The following RALGPS1 variants were observed in gnomAD, a reference collection of about 807,000 sequenced individuals.
RALGPS1 encodes Ral GEF with PH domain and SH3 binding motif 1.
In RALGPS1, 19 loss-of-function variants were observed where a neutral mutation model predicts 78.8. That is an observed-to-expected ratio of 0.24 (90% CI 0.17 to 0.35). The LOEUF is 0.35. Ranked by LOEUF, RALGPS1 falls within the 10% of genes least tolerant of loss-of-function variation. The pLI is 1.00. For synonymous variants in RALGPS1, 228 were observed against 256.3 expected (o/e 0.89, Z 1.06); for missense variants, 454 against 688.3 (o/e 0.66, Z 3.81).
chr9:127,086,736 T>G lies in RALGPS1; in HGVS notation c.610+17380T>G, dbSNP rs115227452. Among the ~76,000 whole-genome samples the G allele has an allele frequency of 7.9e-3, 1,200 of 152,302 alleles. 22 individuals carry two copies. The highest frequency in any genetic ancestry group is 0.027 in the African/African-American group (1,133 of 41,546). ...CTGAAAAAAGTTGTATCTTTTAGTC[T>G]TTTCCTTTAGGTTTTGGGGTTTCCT... On this transcript the variant is annotated intron_variant, in intron 8 of 18. Coordinates refer to ENST00000259351, the MANE Select transcript of RALGPS1 (RefSeq NM_014636.3).
chr9:127,176,436 C>T (rs1223242658), intron 11 of RALGPS1, among the ~76,000 whole-genome samples: 1 of 152,164 alleles, frequency 6.6e-6, no homozygotes, highest in East Asian at 1.9e-4. Flanking sequence ...GGGCAGGGTT[C>T]CTATCAGAAG....
chr9:126,922,225 A>C lies in RALGPS1; in HGVS notation c.-66+7250A>C, dbSNP rs1017469112. Among the ~76,000 whole-genome samples, 23 of 152,230 alleles carry C rather than the reference A, an allele frequency of 1.5e-4. 3 individuals carry two copies. Among genetic ancestry groups the C allele is most frequent in the Admixed American group, 1.0e-3 (16 of 15,288 alleles). ...GGTCTTTAATATAAACTGATAATAC[A>C]ACATGATACTTTCCCTCTTCAGGAT... On this transcript the variant is annotated intron_variant, in intron 1 of 18. Coordinates refer to ENST00000259351, the MANE Select transcript of RALGPS1 (RefSeq NM_014636.3).
At chr9:127,199,143 AG>A (rs2061489736) in intron 14 of RALGPS1, 77 bp downstream of exon 14, 1 of 1,411,006 alleles carries the variant, frequency 7.1e-7, no homozygotes, top group African/African-American at 1.4e-5. Flanking sequence ...GGCCCCGGGC[AG>A]GGACGGGCCC....
At chr9:127,138,973 A>C (rs981728761) in intron 8 of RALGPS1, among the ~76,000 whole-genome samples, 2 of 152,192 alleles carry the variant, frequency 1.3e-5, no homozygotes, top group East Asian at 3.8e-4. Context: ...TGGTCCTGTC[A>C]GAGATGGGGA....
intron 1 of RALGPS1, among the ~76,000 whole-genome samples, chr9:126,955,866 T>C (rs1015933020): frequency 2.6e-5 from 4 of 152,338 alleles, no homozygotes; most frequent in South Asian, 2.1e-4. Context: ...TGGATTGGCA[T>C]GAACTTGATG....
chr9:126,995,944 T>C (rs1409051213), intron 4 of RALGPS1, among the ~76,000 whole-genome samples: 2 of 151,896 alleles, frequency 1.3e-5, no homozygotes, highest in East Asian at 1.9e-4. Context: ...GGGTAAATAA[T>C]GAAATGAAGG....
In RALGPS1 at chr9:127,034,524, A is replaced by T. The variant is rs773627829; in HGVS notation, c.300+10A>T. On this transcript the variant is annotated intron_variant, in intron 5 of 18. Coordinates refer to ENST00000259351, the MANE Select transcript of RALGPS1 (RefSeq NM_014636.3). ...CCGGAGGTTTAACCAGGTAAGCAACACCCCTTGCATGTGCCTATCCAGAGA... is the reference window on the plus strand; with the variant it reads ...CCGGAGGTTTAACCAGGTAAGCAACTCCCCTTGCATGTGCCTATCCAGAGA... 8.7e-6 allele frequency: 14 copies of T among 1,611,992 alleles called. No homozygotes were observed.
At chr9:126,967,741 T>G (rs184289763) in intron 3 of RALGPS1, among the ~76,000 whole-genome samples, 298 of 152,110 alleles carry the variant, frequency 2.0e-3, no homozygotes, top group African/African-American at 6.7e-3. Flanking sequence ...TCTCACTGTG[T>G]TGCTGTGGCT....
chr9:126,939,464 A>G (rs994168608), intron 1 of RALGPS1, among the ~76,000 whole-genome samples: 1 of 152,258 alleles, frequency 6.6e-6, no homozygotes, highest in Non-Finnish European at 1.5e-5. Flanking sequence ...AGATGGCTTC[A>G]GTTAAGGAAC....
chr9:126,944,479 C>T (rs1382325978), intron 1 of RALGPS1, among the ~76,000 whole-genome samples: 1 of 148,168 alleles, frequency 6.7e-6, no homozygotes. Context: ...GCCTGATTGT[C>T]AACACCCAGG....
chr9:127,145,298 C>G (rs1445790597), intron 8 of RALGPS1, among the ~76,000 whole-genome samples: 1 of 152,158 alleles, frequency 6.6e-6, no homozygotes, highest in Non-Finnish European at 1.5e-5. Context: ...CTTATTCTCC[C>G]TGTTTTTTAG....
chr9:127,099,429 GACTA>G (rs1165415181), intron 8 of RALGPS1, among the ~76,000 whole-genome samples: 1 of 152,208 alleles, frequency 6.6e-6, no homozygotes, highest in Non-Finnish European at 1.5e-5. Flanking sequence ...CAGGAGAAAT[GACTA>G]ACTGTTGAAA....
At chr9:126,920,475 G>A (rs1367710986) in intron 1 of RALGPS1, among the ~76,000 whole-genome samples, 1 of 152,194 alleles carries the variant, frequency 6.6e-6, no homozygotes, top group Non-Finnish European at 1.5e-5. Context: ...AGCTGCTCAT[G>A]CTTGCTGAAA....
chr9:126,973,758 C>G (rs1256105697), intron 3 of RALGPS1, among the ~76,000 whole-genome samples: 2 of 152,208 alleles, frequency 1.3e-5, no homozygotes, highest in Non-Finnish European at 2.9e-5. Flanking sequence ...CCCATTCCCT[C>G]TCCTCCCAAC....
intron 1 of RALGPS1, among the ~76,000 whole-genome samples, chr9:126,938,508 G>T (rs1051509478): frequency 6.6e-6 from 1 of 152,114 alleles, no homozygotes; most frequent in Admixed American, 6.5e-5. Flanking sequence ...ATGATTACAT[G>T]TTGGTAGGCA....
At chr9:126,929,863 T>TG (rs1737672024) in intron 1 of RALGPS1, among the ~76,000 whole-genome samples, 1 of 151,254 alleles carries the variant, frequency 6.6e-6, no homozygotes, top group Non-Finnish European at 1.5e-5. Context: ...TTTTCAGAGA[T>TG]GGAGTCTTGC....
intron 8 of RALGPS1, among the ~76,000 whole-genome samples, chr9:127,127,316 T>C (rs556721991): frequency 6.6e-6 from 1 of 152,344 alleles, no homozygotes; most frequent in African/African-American, 2.4e-5. Context: ...ATTTTTTTAA[T>C]ATTTTTGGTC....
intron 8 of RALGPS1, among the ~76,000 whole-genome samples, chr9:127,138,456 C>T (rs1199417618): frequency 6.6e-6 from 1 of 152,170 alleles, no homozygotes; most frequent in African/African-American, 2.4e-5. Context: ...TGACAGAGGG[C>T]AAATGGGCTT....
At chr9:127,195,720 G>A (rs2061317046) in intron 12 of RALGPS1, among the ~76,000 whole-genome samples, 1 of 152,130 alleles carries the variant, frequency 6.6e-6, no homozygotes, top group South Asian at 2.1e-4. Context: ...GTGTCTCCAG[G>A]GCATTAGGCA....
Sources: allele counts gnomAD v4.1 joint callset (sites outside exome capture counted in the v4.1 genomes callset), GRCh38; gene constraint gnomAD v4.1.1; transcripts MANE v1.5; gene names NCBI Gene and HGNC (gene_info 2026-07-23, HGNC 2026-07-21).